Variants in RAG1 observed in about 807,000 individuals in gnomAD.
RAG1 encodes the protein recombination activating 1.
A neutral mutation model predicts 62.7 loss-of-function variants in RAG1; 35 were observed. The ratio of observed to expected loss-of-function variants is 0.56; its 90% confidence interval spans 0.43 to 0.74. The LOEUF (loss-of-function observed/expected upper bound fraction) is 0.74. Ranked by LOEUF, RAG1 falls within the 30% of genes least tolerant of loss-of-function variation. The pLI, the probability that RAG1 is intolerant of heterozygous loss-of-function variation, is 0.00. For synonymous variants in RAG1, 461 were observed against 470.3 expected, an observed-to-expected ratio of 0.98 and a Z score of 0.26; for missense variants, 1,169 against 1,278.6, an observed-to-expected ratio of 0.91 and a Z score of 1.31.
chr11:36,579,067 A>G lies in RAG1; in HGVS notation c.*2631A>G, dbSNP rs1389936292. Reference sequence around the variant, plus strand: ...CCTTGGGATTAATAAACATGCACTGAGAAGCAAGAGGAGGAGAAAAAGATG... The same window carrying G: ...CCTTGGGATTAATAAACATGCACTGGGAAGCAAGAGGAGGAGAAAAAGATG... On this transcript the variant is annotated 3_prime_UTR_variant, in exon 2 of 2. Transcript: ENST00000299440. The G allele has an allele frequency of 6.0e-6, 1 of 167,120 alleles. No individual in the cohort carries two copies. Among genetic ancestry groups the G allele is most frequent in the Non-Finnish European group, 1.5e-5 (1 of 68,126 alleles). 10.4% of individuals were successfully genotyped at this position (167,120 alleles called of 1,614,324 possible).
Position 36,573,238 on chromosome 11 carries a change from A to T in RAG1, c.-14-53A>T, listed in dbSNP as rs1468895088. On this transcript the variant is annotated intron_variant, in intron 1 of 1. Coordinates refer to ENST00000299440, the MANE Select transcript of RAG1 (RefSeq NM_000448.3). Reference sequence around the variant, plus strand: ...TTTATTTTTATTATTTATAAGATACATCAGTGGGATATTGATATTGGTCTT... The same window carrying T: ...TTTATTTTTATTATTTATAAGATACTTCAGTGGGATATTGATATTGGTCTT... 3.9e-6 allele frequency: 6 copies of T among 1,528,856 alleles called. No homozygotes were observed. The East Asian group carries it at 1.1e-4, about 29-fold the overall frequency. The allele number at this position is 1,528,856 out of a possible 1,614,324, so 94.7% of individuals were successfully genotyped here.
intron 1 of RAG1, among the ~76,000 whole-genome samples, chr11:36,572,983 G>T (rs1269618555): frequency 6.6e-6 from 1 of 152,166 alleles, no homozygotes; most frequent in Non-Finnish European, 1.5e-5. Context: ...GACCCTTGGG[G>T]AGGCAAAGAT....
At chr11:36,528,916 A>G (rs1344159377) in intron 2 of RAG1, among the ~76,000 whole-genome samples, 1 of 152,196 alleles carries the variant, frequency 6.6e-6, no homozygotes, top group African/African-American at 2.4e-5. Flanking sequence ...AAATTCCCAG[A>G]CACATATACC....
At chr11:36,516,954 T>A (rs1363848893) in intron 1 of RAG1, among the ~76,000 whole-genome samples, 2 of 152,164 alleles carry the variant, frequency 1.3e-5, no homozygotes, top group African/African-American at 4.8e-5. Context: ...CAATTGGAGG[T>A]TTATCGTTTA....
At chr11:36,521,589 T>C (rs1471824393) in intron 2 of RAG1, among the ~76,000 whole-genome samples, 1 of 152,038 alleles carries the variant, frequency 6.6e-6, no homozygotes, top group African/African-American at 2.4e-5. Flanking sequence ...TTACAGTAAA[T>C]TGGTACCAGC....
At chr11:36,545,043 A>G (rs1417167252) in intron 3 of RAG1, among the ~76,000 whole-genome samples, 1 of 152,254 alleles carries the variant, frequency 6.6e-6, no homozygotes, top group East Asian at 1.9e-4. Flanking sequence ...TGGTTGCATT[A>G]CATTCCGTTG....
Position 36,575,984 on chromosome 11 carries a change from C to A in RAG1, c.2680C>A (p.Pro894Thr). The A allele has an allele frequency of 6.2e-7, 1 of 1,614,168 alleles. No homozygotes were observed. ...GATGGATCTTTACCTGAAGATGAAACCAGTATGGCGATCATCATGCCCTGC... is the reference window on the plus strand; with the variant it reads ...GATGGATCTTTACCTGAAGATGAAAACAGTATGGCGATCATCATGCCCTGC... ...ELMDLYLKMK[P>T]VWRSSCPAKE... Residue 894 changes from proline (P) to threonine (T), a missense_variant, in exon 2 of 2, where the codon CCA becomes ACA. Pro to Thr is a conservative substitution (Grantham distance 38). Around this residue, in one of 2 missense-constraint regions of RAG1, gnomAD observed 800 missense variants for 943.3 expected, o/e 0.85. Transcript: ENST00000299440. The surrounding 1 kb of genome is among the most constrained non-coding windows in gnomAD (Gnocchi z 4.1).
At chr11:36,571,990 G>T (rs1341694578) in intron 1 of RAG1, among the ~76,000 whole-genome samples, 1 of 152,130 alleles carries the variant, frequency 6.6e-6, no homozygotes, top group Non-Finnish European at 1.5e-5. Context: ...GACTTGAAAA[G>T]AGGCTTTGGT....
chr11:36,561,777 G>A (rs1388235315), intron 3 of RAG1, among the ~76,000 whole-genome samples: 1 of 152,176 alleles, frequency 6.6e-6, no homozygotes, highest in Non-Finnish European at 1.5e-5. Flanking sequence ...CTATAACACT[G>A]ACTTTCCTTA....
chr11:36,566,191 A>G (rs1850658773), upstream of RAG1, among the ~76,000 whole-genome samples: 2 of 152,144 alleles, frequency 1.3e-5, no homozygotes, highest in Admixed American at 1.3e-4. Context: ...AGAAAAATTG[A>G]AAAGGATTCC....
intron 2 of RAG1, among the ~76,000 whole-genome samples, chr11:36,528,541 G>A (rs1860202135): frequency 6.6e-6 from 1 of 152,002 alleles, no homozygotes; most frequent in Non-Finnish European, 1.5e-5. Flanking sequence ...AGAGAAAGCA[G>A]GAATGATCTA....
At position 36,576,095 on chromosome 11, in the gene RAG1, T is replaced by C; in HGVS notation, c.2791T>C (p.Tyr931His). 2 of 1,613,938 alleles carry C rather than the reference T, an allele frequency of 1.2e-6. No homozygotes were observed. Among genetic ancestry groups the C allele is most frequent in the South Asian group, 1.1e-5 (1 of 91,070 alleles). ...ELLSTKFKYR[Y>H]EGKITNYFHK... is the part of the protein sequence containing the mutation. ...CCTTTCTACGAAGTTCAAGTATAGG[T>C]ATGAGGGAAAAATCACCAATTATTT... The change falls in exon 2 of 2, where the codon TAT (tyrosine) becomes CAT (histidine). Residue 931 changes from tyrosine to histidine, a missense_variant. By Grantham distance (83) the Tyr-to-His change is moderately conservative (BLOSUM62 2). This residue lies in a region of RAG1 where 800 missense variants were observed against 943.3 expected (regional missense o/e 0.85). Transcript: ENST00000299440.
In RAG1 at chr11:36,575,464, C is replaced by T. The variant is rs1850829747; in HGVS notation, c.2160C>T (p.Gly720=). The change falls in exon 2 of 2, where the codon GGC becomes GGT. Residue 720 remains glycine, a synonymous_variant. Coordinates refer to ENST00000299440, the MANE Select transcript of RAG1 (RefSeq NM_000448.3). The surrounding 1 kb of genome is among the most constrained non-coding windows in gnomAD (Gnocchi z 4.1). ...YDEKLVREVE[G]LEASGSVYIC... is the part of the protein sequence containing the mutation. ...AAAAACTTGTGCGGGAAGTGGAAGG[C>T]CTCGAGGCTTCTGGCTCAGTCTACA... 6.2e-7 allele frequency: 1 copy of T among 1,614,168 alleles called. No homozygotes were observed. The highest frequency in any genetic ancestry group is 8.5e-7 in the Non-Finnish European group (1 of 1,180,036).
Position 36,577,604 on chromosome 11 carries a change from A to C in RAG1, c.*1168A>C, listed in dbSNP as rs1166307828. On this transcript the variant is annotated 3_prime_UTR_variant, in exon 2 of 2. Coordinates refer to ENST00000299440, the MANE Select transcript of RAG1 (RefSeq NM_000448.3). ...TAACATTTACACAGTGCTTTTTACC[A>C]CTGTGGAATGTTTTCACACTCATTT... The C allele has an allele frequency of 6.0e-6, 1 of 166,954 alleles. No individual in the cohort carries two copies. The highest frequency in any genetic ancestry group is 1.5e-5 in the Non-Finnish European group (1 of 68,114). 10.3% of individuals were successfully genotyped at this position (166,954 alleles called of 1,614,324 possible). A position where few individuals can be genotyped will look rare whatever the true frequency, so the allele number is the denominator to read the frequency against.
chr11:36,540,261 T>C (rs1180637155), downstream of RAG1, among the ~76,000 whole-genome samples: 1 of 152,176 alleles, frequency 6.6e-6, no homozygotes, highest in Non-Finnish European at 1.5e-5. Context: ...TGTCTAATGG[T>C]TTCTGAGACA....
intron 3 of RAG1, among the ~76,000 whole-genome samples, chr11:36,550,622 G>A (rs1850467688): frequency 6.6e-6 from 1 of 152,134 alleles, no homozygotes; most frequent in South Asian, 2.1e-4. Context: ...TTACAGAGAA[G>A]CCTGTGAAGT....
intron 3 of RAG1, among the ~76,000 whole-genome samples, chr11:36,562,158 C>G (rs1459122436): frequency 6.6e-6 from 1 of 152,054 alleles, no homozygotes; most frequent in South Asian, 2.1e-4. Flanking sequence ...ATAGTTTTAA[C>G]AAGATTAGAA....
Position 36,573,904 on chromosome 11 carries a change from G to T in RAG1, c.600G>T (p.Val200=). The part of the protein sequence containing the change: ...APCEVYFPRN[V]TMEWHPHTPS... ...GTGAGGTTTACTTCCCGAGGAACGT[G>T]ACCATGGAGTGGCACCCCCACACAC... The change falls in exon 2 of 2, where the codon GTG becomes GTT. Residue 200 remains valine (V), a synonymous_variant. Coordinates refer to ENST00000299440, the MANE Select transcript of RAG1 (RefSeq NM_000448.3). 6.2e-7 allele frequency: 1 copy of T among 1,614,128 alleles called. No homozygotes were observed. Among genetic ancestry groups the T allele is most frequent in the South Asian group, 1.1e-5 (1 of 91,074 alleles).
chr11:36,550,312 A>G (rs965712021), intron 3 of RAG1, among the ~76,000 whole-genome samples: 1 of 151,948 alleles, frequency 6.6e-6, no homozygotes, highest in African/African-American at 2.4e-5. Context: ...TGTATACCAA[A>G]TCAAAAGATG....
Sources: gnomAD v4.1 joint callset for allele counts (sites outside exome capture counted in the v4.1 genomes callset) on GRCh38, gnomAD v4.1.1 for gene constraint, gnomAD v4.1.1 regional missense constraint, Gnocchi (gnomAD v3.1) non-coding constraint, MANE v1.5 for transcripts, NCBI Gene and HGNC (gene_info 2026-07-23, HGNC 2026-07-21) for gene names.